Variants in SLC23A2 observed in about 807,000 individuals in gnomAD.
The protein encoded by SLC23A2 is solute carrier family 23 member 2, also known as Na(+)/L-ascorbic acid transporter 2.
Under a neutral mutation model 73.3 loss-of-function variants are expected in SLC23A2, and 36 were observed. The ratio of observed to expected loss-of-function variants is 0.49; its 90% confidence interval spans 0.38 to 0.65. The LOEUF (loss-of-function observed/expected upper bound fraction) is 0.65. Ranked by LOEUF, SLC23A2 falls within the 30% of genes least tolerant of loss-of-function variation. SLC23A2 has a pLI of 0.00. For missense variants in SLC23A2, 507 were observed against 841.6 expected (o/e 0.60, Z 4.92); for synonymous variants, 343 against 327.3 (o/e 1.05, Z -0.52).
intron 2 of SLC23A2, 27 bp from the exon 3 acceptor site, chr20:4,932,743 AC>A: frequency 1.7e-6 from 1 of 572,924 alleles, no homozygotes; most frequent in East Asian, 2.9e-5. Context: ...CAGCCAAATC[AC>A]CCCAAAGCAT....
intron 3 of SLC23A2, among the ~76,000 whole-genome samples, chr20:4,914,970 G>A (rs1051739273): frequency 6.6e-6 from 1 of 152,148 alleles, no homozygotes; most frequent in Non-Finnish European, 1.5e-5. Flanking sequence ...AACATGAAAG[G>A]TGGGGGTTGC....
chr20:5,001,008 A>G (rs78870668), intron 1 of SLC23A2, among the ~76,000 whole-genome samples: 1 of 152,108 alleles, frequency 6.6e-6, no homozygotes, highest in Non-Finnish European at 1.5e-5. Flanking sequence ...AAGCGACCCC[A>G]GGACGCGCGG....
In SLC23A2 at chr20:4,874,601, T is replaced by C. The variant is rs771456273; in HGVS notation, c.920A>G (p.Lys307Arg). 8 of 1,611,520 alleles carry C rather than the reference T, an allele frequency of 5.0e-6. No individual in the cohort carries two copies. The South Asian group carries it at 8.9e-5, about 18-fold the overall frequency. Residue 307 changes from lysine to arginine, a missense_variant, in exon 10 of 17, where the codon AAG becomes AGG. By Grantham distance (26) the Lys-to-Arg change is conservative (BLOSUM62 2). This residue lies in a region of SLC23A2 where 217 missense variants were observed against 398.0 expected (regional missense o/e 0.55). Transcript: ENST00000338244. ...YKSKKGWTAY[K>R]LQLFKMFPII... ...AGGGAACATTTTGAACAGCTGTAACTTGTACGCAGTCCATCCTTTCTTGGA... is the reference window on the plus strand; with the variant it reads ...AGGGAACATTTTGAACAGCTGTAACCTGTACGCAGTCCATCCTTTCTTGGA...
At chr20:4,944,505 G>C (rs1042445504) in intron 2 of SLC23A2, among the ~76,000 whole-genome samples, 1 of 152,164 alleles carries the variant, frequency 6.6e-6, no homozygotes, top group Non-Finnish European at 1.5e-5. Context: ...CCAAAGTGCT[G>C]GGATTACAGG....
intron 7 of SLC23A2, among the ~76,000 whole-genome samples, chr20:4,885,591 T>C (rs1358372850): frequency 6.6e-6 from 1 of 152,154 alleles, no homozygotes; most frequent in East Asian, 1.9e-4. Context: ...CATAGAGAAA[T>C]GAGGTCAATT....
In SLC23A2 at chr20:4,859,134, G is replaced by T. The variant is rs546396689; in HGVS notation, c.1720+155C>A. On this transcript the variant is annotated intron_variant, in intron 16 of 16. Coordinates refer to ENST00000338244, the MANE Select transcript of SLC23A2 (RefSeq NM_005116.6). Reference sequence around the variant, plus strand: ...AAAACTGATTCATACATGGAGGCTGGGAGTGCCATCACAACTGTTTTAGAA... The same window carrying T: ...AAAACTGATTCATACATGGAGGCTGTGAGTGCCATCACAACTGTTTTAGAA... Among the ~76,000 whole-genome samples, 3 of 152,140 alleles carry T rather than the reference G, an allele frequency of 2.0e-5. No homozygotes were observed. In the South Asian group the frequency reaches 6.2e-4, roughly 32 times the overall value.
intron 4 of SLC23A2, among the ~76,000 whole-genome samples, chr20:4,903,388 A>G (rs1296770938): frequency 3.3e-5 from 5 of 152,208 alleles, no homozygotes; most frequent in Non-Finnish European, 5.9e-5. Flanking sequence ...GAGAACCTCA[A>G]AACTGCTCTG....
intron 2 of SLC23A2, among the ~76,000 whole-genome samples, chr20:4,969,755 G>A (rs1192729912): frequency 1.3e-5 from 2 of 151,878 alleles, no homozygotes; most frequent in Non-Finnish European, 2.9e-5. Context: ...CAGAAGCAGA[G>A]TATCTGAGAG....
At chr20:4,967,945 C>T (rs1452475810) in intron 2 of SLC23A2, among the ~76,000 whole-genome samples, 1 of 152,212 alleles carries the variant, frequency 6.6e-6, no homozygotes, top group Non-Finnish European at 1.5e-5. Flanking sequence ...AGCAAGCCTC[C>T]TCTTTTCTCA....
upstream of SLC23A2, among the ~76,000 whole-genome samples, chr20:5,003,343 C>T: frequency 6.6e-6 from 1 of 152,078 alleles, no homozygotes. Flanking sequence ...GAGATCGCGC[C>T]ACCGCACTCC....
intron 9 of SLC23A2, among the ~76,000 whole-genome samples, chr20:4,875,295 G>A (rs1930611125): frequency 1.3e-5 from 2 of 152,214 alleles, no homozygotes; most frequent in Admixed American, 6.5e-5. Flanking sequence ...AGTAGATACA[G>A]TAGAATTCAG....
chr20:4,860,248 G>T (rs112767852), intron 15 of SLC23A2, among the ~76,000 whole-genome samples: 2,072 of 152,280 alleles, frequency 0.014, 47 homozygotes, highest in African/African-American at 0.047. Flanking sequence ...GAATACCCTT[G>T]GTGCCTTCAT....
chr20:4,898,436 C>T (rs1254136910), intron 6 of SLC23A2, among the ~76,000 whole-genome samples: 1 of 152,220 alleles, frequency 6.6e-6, no homozygotes, highest in Non-Finnish European at 1.5e-5. Flanking sequence ...GATTCTGACT[C>T]ATCAGAATGC....
chr20:4,964,978 T>C (rs769657611), intron 2 of SLC23A2, among the ~76,000 whole-genome samples: 26 of 148,320 alleles, frequency 1.8e-4, no homozygotes, highest in Non-Finnish European at 2.9e-4. Flanking sequence ...TTATATGTGG[T>C]TTTTTTTCCC....
chr20:4,880,058 C>T (rs1930821544), intron 9 of SLC23A2, among the ~76,000 whole-genome samples: 2 of 152,186 alleles, frequency 1.3e-5, no homozygotes, highest in African/African-American at 4.8e-5. Context: ...TTAGAATGTG[C>T]CGCAATACAT....
intron 6 of SLC23A2, among the ~76,000 whole-genome samples, chr20:4,891,802 T>C (rs552365471): frequency 2.0e-5 from 3 of 152,066 alleles, no homozygotes; most frequent in Admixed American, 6.5e-5. Context: ...CAGGCTGGAG[T>C]GTAGTGGCGC....
rs1353015825 is a variant in SLC23A2 at position 4,863,932 on chromosome 20, G to A, written c.1357-1025C>T. Reference sequence around the variant, plus strand: ...TGATCTCTGCCTCCCAGCAGCTTCTGTCTAGCCTGCTGTCACCAGTCATGG... The same window carrying A: ...TGATCTCTGCCTCCCAGCAGCTTCTATCTAGCCTGCTGTCACCAGTCATGG... On this transcript the variant is annotated intron_variant, in intron 13 of 16. Transcript: ENST00000338244. This position sits in a 1 kb window ranked among gnomAD's most constrained non-coding sequence, Gnocchi z 4.8. 1.3e-5 allele frequency among the ~76,000 whole-genome samples: 2 copies of A among 152,202 alleles called. No homozygotes were observed. The highest frequency in any genetic ancestry group is 4.8e-5 in the African/African-American group (2 of 41,452).
At chr20:4,987,548 G>C (rs972621403) in intron 1 of SLC23A2, among the ~76,000 whole-genome samples, 8 of 151,986 alleles carry the variant, frequency 5.3e-5, no homozygotes, top group Admixed American at 5.3e-4. Flanking sequence ...GGCTTTGTTC[G>C]CTAAAAAAAA....
intron 4 of SLC23A2, among the ~76,000 whole-genome samples, chr20:4,905,486 T>C (rs1042778888): frequency 6.6e-6 from 1 of 152,360 alleles, no homozygotes; most frequent in Admixed American, 6.5e-5. Flanking sequence ...CTGTAAAAGA[T>C]GACTACATAA....
Sources: allele counts gnomAD v4.1 joint callset (sites outside exome capture counted in the v4.1 genomes callset), GRCh38; gene constraint gnomAD v4.1.1; regional missense constraint gnomAD v4.1.1; non-coding constraint Gnocchi (gnomAD v3.1); transcripts MANE v1.5; gene names NCBI Gene and HGNC (gene_info 2026-07-23, HGNC 2026-07-21).